LINGO2: variants seen among roughly 807,000 people sequenced by gnomAD.
The protein encoded by LINGO2 is leucine rich repeat and Ig domain containing 2.
A neutral mutation model predicts 30.6 loss-of-function variants in LINGO2; 14 were observed. The observed-to-expected ratio is 0.46, with a 90% CI of 0.30 to 0.72. The LOEUF (loss-of-function observed/expected upper bound fraction) is 0.72. Ranked by LOEUF, LINGO2 falls within the 30% of genes least tolerant of loss-of-function variation. LINGO2 has a pLI of 0.07. For missense variants in LINGO2, 729 were observed against 751.7 expected (o/e 0.97, Z 0.35); for synonymous variants, 317 against 288.5 (o/e 1.10, Z -1.00).
chr9:29,086,393 CTTAA>C, the LINGO2 span, among the ~76,000 whole-genome samples: 1 of 148,284 alleles, frequency 6.7e-6, no homozygotes, highest in African/African-American at 2.5e-5. Context: ...TTTTTTTGGT[CTTAA>C]TTAATACAGG....
chr9:29,205,291 G>A, the LINGO2 span, among the ~76,000 whole-genome samples: 329 of 152,130 alleles, frequency 2.2e-3, 1 homozygote, highest in Middle Eastern at 3.4e-3. Context: ...CACCCACCAC[G>A]GCCTCCCAAA....
At chr9:28,938,813 A>C in the LINGO2 span, among the ~76,000 whole-genome samples, 1 of 152,162 alleles carries the variant, frequency 6.6e-6, no homozygotes, top group African/African-American at 2.4e-5. Flanking sequence ...CCTGTCTGTA[A>C]GTGATATACG....
chr9:28,860,625 A>C, the LINGO2 span, among the ~76,000 whole-genome samples: 280 of 151,544 alleles, frequency 1.8e-3, 4 homozygotes, highest in East Asian at 0.012. Flanking sequence ...TTCTCTCTCT[A>C]TATATAAAGA....
At chr9:29,213,070 A>G in the LINGO2 span, among the ~76,000 whole-genome samples, 1 of 152,058 alleles carries the variant, frequency 6.6e-6, no homozygotes, top group Admixed American at 6.5e-5. Context: ...TGGCGGTTCA[A>G]AAGCCCTCAC....
chr9:28,877,602 T>A, the LINGO2 span, among the ~76,000 whole-genome samples: 1 of 152,202 alleles, frequency 6.6e-6, no homozygotes, highest in African/African-American at 2.4e-5. Context: ...TTCTGTTCCA[T>A]TGATCTATAT....
chr9:28,193,871 C>T (rs1171312176), intron 4 of LINGO2, among the ~76,000 whole-genome samples: 1 of 152,196 alleles, frequency 6.6e-6, no homozygotes, highest in African/African-American at 2.4e-5. Context: ...GTCTTAGAGT[C>T]TCTCTAGGCT....
chr9:28,720,256 G>A, the LINGO2 span, among the ~76,000 whole-genome samples: 15 of 152,018 alleles, frequency 9.9e-5, no homozygotes, highest in African/African-American at 3.1e-4. Context: ...TTCACTCTAC[G>A]TTTTAGCCAC....
At chr9:28,974,028 ACT>A in the LINGO2 span, among the ~76,000 whole-genome samples, 14 of 152,210 alleles carry the variant, frequency 9.2e-5, no homozygotes, top group African/African-American at 3.1e-4. Context: ...TGTGTAAACT[ACT>A]CTTATCCTAA....
intron 4 of LINGO2, among the ~76,000 whole-genome samples, chr9:28,048,677 T>C (rs1391172859): frequency 6.6e-6 from 1 of 150,806 alleles, no homozygotes; most frequent in Non-Finnish European, 1.5e-5. Context: ...AGAACACTTA[T>C]CTACGATGCC....
intron 5 of LINGO2, among the ~76,000 whole-genome samples, chr9:27,953,359 A>G (rs1162397959): frequency 6.6e-6 from 1 of 152,196 alleles, no homozygotes; most frequent in African/African-American, 2.4e-5. Flanking sequence ...ATAGAGCAAA[A>G]TGGAAATATG....
chr9:28,975,841 A>T, the LINGO2 span, among the ~76,000 whole-genome samples: 19 of 152,208 alleles, frequency 1.2e-4, no homozygotes, highest in Non-Finnish European at 2.6e-4. Flanking sequence ...TTAATAATTC[A>T]TGGTTAGCAA....
At chr9:28,127,520 C>T (rs1024086393) in intron 4 of LINGO2, among the ~76,000 whole-genome samples, 4 of 152,302 alleles carry the variant, frequency 2.6e-5, no homozygotes, top group Non-Finnish European at 5.9e-5. Flanking sequence ...AGACAGTAAA[C>T]AAGCAAGTGC....
the LINGO2 span, among the ~76,000 whole-genome samples, chr9:28,842,506 G>T: frequency 6.6e-6 from 1 of 151,840 alleles, no homozygotes; most frequent in Admixed American, 6.5e-5. Flanking sequence ...GCACAGAAAT[G>T]AGATCTTAAA....
At chr9:29,098,564 T>A in the LINGO2 span, among the ~76,000 whole-genome samples, 2 of 151,866 alleles carry the variant, frequency 1.3e-5, no homozygotes, top group South Asian at 4.2e-4. Context: ...TATGTGGAAG[T>A]CCCTGAGACG....
chr9:28,804,181 G>A, the LINGO2 span, among the ~76,000 whole-genome samples: 12 of 152,022 alleles, frequency 7.9e-5, no homozygotes, highest in Non-Finnish European at 1.5e-4. Flanking sequence ...CTGAAAATGT[G>A]GGTATTTGAG....
chr9:28,950,445 A>C, the LINGO2 span, among the ~76,000 whole-genome samples: 1 of 152,172 alleles, frequency 6.6e-6, no homozygotes, highest in Non-Finnish European at 1.5e-5. Flanking sequence ...GGAAGAGAGA[A>C]AGTCAAATTG....
chr9:29,138,552 A>T, the LINGO2 span, among the ~76,000 whole-genome samples: 37,124 of 152,040 alleles, frequency 0.24, 4,720 homozygotes, highest in East Asian at 0.44. Flanking sequence ...ACTGTGTATG[A>T]GGTAGTCATT....
the LINGO2 span, among the ~76,000 whole-genome samples, chr9:29,118,906 G>A: frequency 2.0e-5 from 3 of 152,106 alleles, no homozygotes; most frequent in African/African-American, 7.2e-5. Flanking sequence ...TAACAGGTCC[G>A]CTGACCTCAA....
the LINGO2 span, among the ~76,000 whole-genome samples, chr9:29,149,946 G>C: frequency 6.6e-6 from 1 of 152,156 alleles, no homozygotes; most frequent in Non-Finnish European, 1.5e-5. Flanking sequence ...GCCACTGTCT[G>C]ACCGCTCCCA....
Sources: allele counts gnomAD v4.1 joint callset (sites outside exome capture counted in the v4.1 genomes callset), GRCh38; gene constraint gnomAD v4.1.1; transcripts MANE v1.5; gene names NCBI Gene and HGNC (gene_info 2026-07-23, HGNC 2026-07-21).